The following PCSK5 variants were observed in gnomAD, a reference collection of about 807,000 sequenced individuals.
The protein encoded by PCSK5 is proprotein convertase subtilisin/kexin type 5.
In PCSK5, 129 loss-of-function variants were observed where a neutral mutation model predicts 233.2. The observed-to-expected ratio is 0.55, with a 90% confidence interval of 0.48 to 0.64. The LOEUF (loss-of-function observed/expected upper bound fraction) is 0.64. Ranked by LOEUF, PCSK5 falls within the 30% of genes least tolerant of loss-of-function variation. The pLI is 0.00. For missense variants in PCSK5, 2,076 were observed against 2,430.1 expected, an observed-to-expected ratio of 0.85 and a Z score of 3.06; for synonymous variants, 825 against 879.2, an observed-to-expected ratio of 0.94 and a Z score of 1.09.
At chr9:76,310,027 T>C (rs1171819030) in intron 29 of PCSK5, among the ~76,000 whole-genome samples, 1 of 152,032 alleles carries the variant, frequency 6.6e-6, no homozygotes, top group African/African-American at 2.4e-5. Flanking sequence ...GCGGGCAGAT[T>C]ACCTGAGGTC....
intron 24 of PCSK5, among the ~76,000 whole-genome samples, chr9:76,252,625 C>T (rs1010491982): frequency 2.0e-5 from 3 of 152,176 alleles, no homozygotes; most frequent in Admixed American, 6.5e-5. Context: ...CCTTCAGTTT[C>T]GTTTACCTCT....
chr9:76,169,368 A>T (rs772609487), intron 12 of PCSK5, among the ~76,000 whole-genome samples: 1 of 152,130 alleles, frequency 6.6e-6, no homozygotes, highest in Non-Finnish European at 1.5e-5. Flanking sequence ...TCCTATCAGC[A>T]GTATAAGAGA....
At chr9:76,127,715 G>A (rs1237381286) in intron 9 of PCSK5, among the ~76,000 whole-genome samples, 1 of 152,196 alleles carries the variant, frequency 6.6e-6, no homozygotes, top group Non-Finnish European at 1.5e-5. Context: ...GTCCTTCTGA[G>A]TTATAATGGT....
chr9:76,339,802 C>T (rs541934555), intron 35 of PCSK5, among the ~76,000 whole-genome samples: 3 of 152,252 alleles, frequency 2.0e-5, no homozygotes, highest in East Asian at 3.9e-4. Flanking sequence ...CTCAACCTCC[C>T]AAAGTGCTGG....
At chr9:76,302,776 A>G (rs1303686977) in intron 28 of PCSK5, among the ~76,000 whole-genome samples, 1 of 152,150 alleles carries the variant, frequency 6.6e-6, no homozygotes, top group Admixed American at 6.6e-5. Flanking sequence ...AGCTTGTATG[A>G]AAAAGGGTGG....
At chr9:75,931,750 A>G (rs963423929) in intron 1 of PCSK5, among the ~76,000 whole-genome samples, 4 of 152,232 alleles carry the variant, frequency 2.6e-5, no homozygotes, top group Non-Finnish European at 4.4e-5. Context: ...AAGTAGAACC[A>G]ACTGTTTTTA....
intron 1 of PCSK5, among the ~76,000 whole-genome samples, chr9:75,902,209 C>T (rs1483292271): frequency 3.4e-5 from 2 of 59,410 alleles, no homozygotes; most frequent in Non-Finnish European, 6.2e-5. Flanking sequence ...GAGTGAGACA[C>T]CATCTAAAAA....
At position 76,362,836 on chromosome 9, in the gene PCSK5, A is replaced by G. The variant is rs1004492057; in HGVS notation, c.*3914A>G. 3.3e-5 allele frequency among the ~76,000 whole-genome samples: 5 copies of G among 152,130 alleles called. No individual in the cohort carries two copies. Among genetic ancestry groups the G allele is most frequent in the Admixed American group, 2.6e-4 (4 of 15,270 alleles). ...CAGTCACGTACCCCCTGCTTGCTCAATCGATCATGACCCTCTCACGTGGAC... is the reference window on the plus strand; with the variant it reads ...CAGTCACGTACCCCCTGCTTGCTCAGTCGATCATGACCCTCTCACGTGGAC... On this transcript the variant is annotated 3_prime_UTR_variant, in exon 38 of 38. Coordinates refer to ENST00000674117, the MANE Select transcript of PCSK5 (RefSeq NM_001372043.1).
intron 3 of PCSK5, among the ~76,000 whole-genome samples, chr9:76,009,570 T>C (rs923542729): frequency 1.3e-5 from 2 of 148,444 alleles, no homozygotes; most frequent in African/African-American, 5.0e-5. Context: ...GAGGTTGCAG[T>C]GAGCCGAGAT....
intron 3 of PCSK5, among the ~76,000 whole-genome samples, chr9:75,996,443 G>T (rs1187378809): frequency 6.6e-6 from 1 of 152,124 alleles, no homozygotes; most frequent in South Asian, 2.1e-4. Context: ...GGCCTACCAG[G>T]ACATGGCAGA....
chr9:76,109,501 C>T (rs1832118796), intron 9 of PCSK5, among the ~76,000 whole-genome samples: 1 of 149,520 alleles, frequency 6.7e-6, no homozygotes, highest in Non-Finnish European at 1.5e-5. Flanking sequence ...TGCTTTATGC[C>T]TCAAATAACC....
At chr9:75,894,572 A>T (rs985039201) in intron 1 of PCSK5, among the ~76,000 whole-genome samples, 2 of 152,226 alleles carry the variant, frequency 1.3e-5, no homozygotes, top group Non-Finnish European at 2.9e-5. Context: ...TGCAATAATA[A>T]TACTTAACCA....
At chr9:76,065,389 G>A (rs1830249775) in intron 5 of PCSK5, among the ~76,000 whole-genome samples, 1 of 152,076 alleles carries the variant, frequency 6.6e-6, no homozygotes, top group African/African-American at 2.4e-5. Context: ...CGTGGTGGCT[G>A]ATTTGCATTT....
At chr9:76,108,808 A>G (rs1832087169) in intron 9 of PCSK5, among the ~76,000 whole-genome samples, 1 of 152,176 alleles carries the variant, frequency 6.6e-6, no homozygotes, top group African/African-American at 2.4e-5. Flanking sequence ...GTTTCCCAGC[A>G]TTCACAGCTG....
At chr9:76,104,166 C>T (rs924271000) in intron 8 of PCSK5, among the ~76,000 whole-genome samples, 5 of 152,138 alleles carry the variant, frequency 3.3e-5, no homozygotes, top group South Asian at 2.1e-4. Context: ...ACAAAAACTC[C>T]GATGCTGTGG....
chr9:76,127,163 A>G (rs890346590), intron 9 of PCSK5, among the ~76,000 whole-genome samples: 2 of 152,204 alleles, frequency 1.3e-5, no homozygotes, highest in African/African-American at 4.8e-5. Context: ...AATAATGGCG[A>G]TGCAGTCAAT....
At chr9:76,086,628 A>G (rs1831074999) in intron 7 of PCSK5, among the ~76,000 whole-genome samples, 1 of 152,128 alleles carries the variant, frequency 6.6e-6, no homozygotes, top group Non-Finnish European at 1.5e-5. Flanking sequence ...TGTTTTTTTA[A>G]TTTTCTCGAA....
chr9:76,189,014 A>AAAC lies in PCSK5; in HGVS notation c.2381-79_2381-77dup, dbSNP rs767586303. 40 of 1,236,600 alleles carry AAAC rather than the reference A, an allele frequency of 3.2e-5. 1 individual carries two copies. The highest frequency in any genetic ancestry group is 2.2e-4 in the East Asian group (9 of 41,206). The allele number at this position is 1,236,600 out of a possible 1,614,324, so 76.6% of individuals were successfully genotyped here. A position where few individuals can be genotyped will look rare whatever the true frequency, so the allele number is the denominator to read the frequency against. Reference sequence around the variant, plus strand: ...TATTATTCTTTGACGCCATTTTCTCAAACTGTTAAAGAAGAAGCCCATGAC... The same window carrying AAAC: ...TATTATTCTTTGACGCCATTTTCTCAAACAACTGTTAAAGAAGAAGCCCATGAC... On this transcript the variant is annotated intron_variant, in intron 18 of 37. Transcript: ENST00000674117.
chr9:76,040,381 CTCTG>C lies in PCSK5; in HGVS notation c.632+13348_632+13351del, dbSNP rs1400058903. Among the ~76,000 whole-genome samples, 436 of 59,480 alleles carry C rather than the reference CTCTG, an allele frequency of 7.3e-3. 14 individuals are homozygous for C. Among genetic ancestry groups the C allele is most frequent in the South Asian group, 0.059 (78 of 1,312 alleles). The allele number at this position is 59,480 out of a possible 152,430, so 39.0% of individuals were successfully genotyped here. On this transcript the variant is annotated intron_variant, in intron 5 of 37. Transcript: ENST00000674117. ...TCTCTCTCTCTCTCTCTCTCTCTCT[CTCTG>C]TCTCTCTCTCTCTCTCTCTCTCTCT... is the stretch of plus-strand genomic sequence containing the variant.
Sources: gnomAD v4.1 joint callset for allele counts (sites outside exome capture counted in the v4.1 genomes callset) on GRCh38, gnomAD v4.1.1 for gene constraint, MANE v1.5 for transcripts, NCBI Gene and HGNC (gene_info 2026-07-23, HGNC 2026-07-21) for gene names.